Variants in CDYL2 observed in about 807,000 individuals in gnomAD.
CDYL2 encodes the protein chromodomain Y-like protein 2.
CDYL2 carries 23 observed loss-of-function variants against 49.4 expected under a neutral mutation model. The ratio of observed to expected loss-of-function variants is 0.47; its 90% CI spans 0.34 to 0.66. The LOEUF (loss-of-function observed/expected upper bound fraction) is 0.66, where lower values mean the gene tolerates loss of function less well. Ranked by LOEUF, CDYL2 falls within the 30% of genes least tolerant of loss-of-function variation. The pLI is 0.01. For synonymous variants in CDYL2, 360 were observed against 268.8 expected (o/e 1.34, Z -3.32); for missense variants, 678 against 656.4 (o/e 1.03, Z -0.36).
intron 1 of CDYL2, among the ~76,000 whole-genome samples, chr16:80,796,577 A>G (rs1436143530): frequency 6.6e-6 from 1 of 152,228 alleles, no homozygotes; most frequent in African/African-American, 2.4e-5. Context: ...CACATCTGTT[A>G]TATGTCAGCA....
chr16:80,690,704 T>G (rs1397651221), intron 1 of CDYL2, among the ~76,000 whole-genome samples: 2 of 152,042 alleles, frequency 1.3e-5, no homozygotes, highest in Non-Finnish European at 2.9e-5. Context: ...GCTCTTCCCC[T>G]CAACTCCTGC....
intron 1 of CDYL2, among the ~76,000 whole-genome samples, chr16:80,750,140 C>T (rs1906081317): frequency 6.6e-6 from 1 of 151,892 alleles, no homozygotes; most frequent in South Asian, 2.1e-4. Context: ...ATGTAAATGA[C>T]AAGTTAATGG....
At chr16:80,635,506 G>C in intron 2 of CDYL2, among the ~76,000 whole-genome samples, 1 of 152,092 alleles carries the variant, frequency 6.6e-6, no homozygotes, top group East Asian at 1.9e-4. Context: ...CAACTTACAA[G>C]GGATGTGAAG....
chr16:80,636,856 T>C (rs141259834), intron 2 of CDYL2, among the ~76,000 whole-genome samples: 2,285 of 152,254 alleles, frequency 0.015, 30 homozygotes, highest in Non-Finnish European at 0.022. Context: ...ATATATACCA[T>C]GGAATACTAT....
At chr16:80,679,250 C>T (rs1909878282) in intron 2 of CDYL2, among the ~76,000 whole-genome samples, 1 of 150,426 alleles carries the variant, frequency 6.6e-6, no homozygotes, top group South Asian at 2.1e-4. Flanking sequence ...TACCCTAAAA[C>T]TTAAAGTATA....
In CDYL2 at chr16:80,641,084, C is replaced by G. The variant is rs139276774; in HGVS notation, c.617-7848G>C. ...ACTTCCCAAGCCTAGAGAAAGATATCAATATCCAAGTACAAGAAGGTTACA... is the reference window on the plus strand; with the variant it reads ...ACTTCCCAAGCCTAGAGAAAGATATGAATATCCAAGTACAAGAAGGTTACA... On this transcript the variant is annotated intron_variant, in intron 2 of 6. Coordinates refer to ENST00000570137, the MANE Select transcript of CDYL2 (RefSeq NM_152342.4). Among the ~76,000 whole-genome samples, 439 of 152,170 alleles carry G rather than the reference C, an allele frequency of 2.9e-3. 2 individuals are homozygous for G. The highest frequency in any genetic ancestry group is 0.01 in the African/African-American group (424 of 41,524).
Position 80,728,171 on chromosome 16 carries a change from C to T in CDYL2, c.25-43042G>A, listed in dbSNP as rs563152813. 1.2e-3 allele frequency among the ~76,000 whole-genome samples: 187 copies of T among 152,060 alleles called. 2 individuals are homozygous for T. Among genetic ancestry groups the T allele is most frequent in the African/African-American group, 4.3e-3 (179 of 41,492 alleles). ...TACAAGCTACAGGAGGAAATTCAAA[C>T]CAAAGGCAAAGAAGTTAAAAACTTT... On this transcript the variant is annotated intron_variant, in intron 1 of 6. Transcript: ENST00000570137.
chr16:80,604,224 C>G lies in CDYL2; in HGVS notation c.*164G>C, dbSNP rs1281183833. On this transcript the variant is annotated 3_prime_UTR_variant, in exon 7 of 7. Transcript: ENST00000570137. ...TATGCTGCGTTTTCCATCCATTACA[C>G]AAAATCAAACCAAGGAGGAGCAACC... 1.3e-6 allele frequency: 1 copy of G among 760,856 alleles called. No individual in the cohort carries two copies. Among genetic ancestry groups the G allele is most frequent in the Non-Finnish European group, 2.1e-6 (1 of 474,054 alleles). 47.1% of individuals were successfully genotyped at this position (760,856 alleles called of 1,614,324 possible). A position where few individuals can be genotyped will look rare whatever the true frequency, so the allele number is the denominator to read the frequency against.
In CDYL2 at chr16:80,633,311, G is replaced by A. The variant is rs888339257; in HGVS notation, c.617-75C>T. The A allele has an allele frequency of 7.5e-6, 11 of 1,462,208 alleles. No homozygotes were observed. In the Admixed American group the frequency reaches 9.1e-5, roughly 12 times the overall value. The allele number at this position is 1,462,208 out of a possible 1,614,324, so 90.6% of individuals were successfully genotyped here. On this transcript the variant is annotated intron_variant, in intron 2 of 6. Coordinates refer to ENST00000570137, the MANE Select transcript of CDYL2 (RefSeq NM_152342.4). Reference sequence around the variant, plus strand: ...TAGAAGGATGTGATCAGAGGACGTTGGGATTTCCAATGGAAAGGTTTGGAT... The same window carrying A: ...TAGAAGGATGTGATCAGAGGACGTTAGGATTTCCAATGGAAAGGTTTGGAT...
chr16:80,776,097 C>A (rs1022650277), intron 1 of CDYL2, among the ~76,000 whole-genome samples: 2 of 151,876 alleles, frequency 1.3e-5, no homozygotes, highest in African/African-American at 4.8e-5. Context: ...TAAAAACACC[C>A]TCCCACGTTA....
At chr16:80,672,514 GAAGCA>G (rs113804334) in intron 2 of CDYL2, among the ~76,000 whole-genome samples, 27,589 of 107,848 alleles carry the variant, frequency 0.26, 8,135 homozygotes, top group Middle Eastern at 0.4. Context: ...AAGAAGGAAA[GAAGCA>G]AAGCAAAGGA....
In CDYL2 at chr16:80,795,154, C is replaced by T. The variant is rs142389180; in HGVS notation, c.24+8996G>A. Among the ~76,000 whole-genome samples the T allele has an allele frequency of 2.1e-3, 325 of 152,232 alleles. 2 individuals are homozygous for T. The highest frequency in any genetic ancestry group is 7.6e-3 in the African/African-American group (317 of 41,552). ...AATGAAAATCAAGGAGAAAAGTTCC[C>T]TGATCAAGAATTTGAGGGGAGGGCA... is the stretch of plus-strand genomic sequence containing the variant. On this transcript the variant is annotated intron_variant, in intron 1 of 6. Coordinates refer to ENST00000570137, the MANE Select transcript of CDYL2 (RefSeq NM_152342.4).
chr16:80,653,113 T>C (rs1340125579), intron 2 of CDYL2, among the ~76,000 whole-genome samples: 1 of 152,218 alleles, frequency 6.6e-6, no homozygotes, highest in East Asian at 1.9e-4. Context: ...AGGTGTGGGC[T>C]ATATAGAAAC....
At chr16:80,753,260 T>G (rs1464877867) in intron 1 of CDYL2, among the ~76,000 whole-genome samples, 1 of 140,222 alleles carries the variant, frequency 7.1e-6, no homozygotes, top group African/African-American at 2.6e-5. Context: ...ATTCCCAACT[T>G]AAAAAAAAAA....
chr16:80,661,628 A>G (rs1425874124), intron 2 of CDYL2, among the ~76,000 whole-genome samples: 1 of 152,180 alleles, frequency 6.6e-6, no homozygotes, highest in Non-Finnish European at 1.5e-5. Context: ...CACTGAAACT[A>G]GCCCTGGTCT....
At chr16:80,740,517 T>G (rs1320099289) in intron 1 of CDYL2, among the ~76,000 whole-genome samples, 1 of 152,208 alleles carries the variant, frequency 6.6e-6, no homozygotes, top group Non-Finnish European at 1.5e-5. Context: ...AGTTTAGAAC[T>G]TCTAGCCAAT....
chr16:80,663,608 T>C (rs4889192), intron 2 of CDYL2, among the ~76,000 whole-genome samples: 74,730 of 151,858 alleles, frequency 0.49, 20,198 homozygotes, highest in African/African-American at 0.71. Context: ...TTTTTTTCTT[T>C]TGAGACAGAG....
intron 2 of CDYL2, among the ~76,000 whole-genome samples, chr16:80,675,836 C>A (rs770540918): frequency 6.6e-6 from 1 of 152,114 alleles, no homozygotes; most frequent in South Asian, 2.1e-4. Context: ...CGCTTCCACT[C>A]CCCCACTATA....
At chr16:80,711,989 A>G (rs556173695) in intron 1 of CDYL2, among the ~76,000 whole-genome samples, 7 of 149,650 alleles carry the variant, frequency 4.7e-5, no homozygotes, top group Admixed American at 2.0e-4. Flanking sequence ...ATATATATGT[A>G]TGTATATATA....
Sources: gnomAD v4.1 joint callset for allele counts (sites outside exome capture counted in the v4.1 genomes callset) on GRCh38, gnomAD v4.1.1 for gene constraint, MANE v1.5 for transcripts, NCBI Gene and HGNC (gene_info 2026-07-23, HGNC 2026-07-21) for gene names.